ZHX2: variants seen among roughly 807,000 people sequenced by gnomAD.
The protein encoded by ZHX2 is zinc fingers and homeoboxes 2.
Under a neutral mutation model 21.9 loss-of-function variants are expected in ZHX2, and 6 were observed. That is an observed-to-expected ratio of 0.27 (90% CI 0.15 to 0.54). The LOEUF is 0.54. Ranked by LOEUF, ZHX2 falls within the 20% of genes least tolerant of loss-of-function variation. The pLI is 0.95. For synonymous variants in ZHX2, 434 were observed against 437.1 expected, an observed-to-expected ratio of 0.99 and a Z score of 0.09; for missense variants, 908 against 1,090.7, an observed-to-expected ratio of 0.83 and a Z score of 2.36.
chr8:122,873,802 T>G (rs960306370), intron 2 of ZHX2, among the ~76,000 whole-genome samples: 1 of 152,188 alleles, frequency 6.6e-6, no homozygotes, highest in Admixed American at 6.5e-5. Flanking sequence ...AGAATCCATC[T>G]TCTTGCTTCC....
At chr8:122,802,640 G>A (rs1319177621) in intron 1 of ZHX2, among the ~76,000 whole-genome samples, 1 of 152,184 alleles carries the variant, frequency 6.6e-6, no homozygotes, top group East Asian at 1.9e-4. Context: ...TCCAAGCTAG[G>A]GGATACCAAG....
At chr8:122,833,718 CG>C (rs1429188627) in intron 1 of ZHX2, among the ~76,000 whole-genome samples, 1 of 152,062 alleles carries the variant, frequency 6.6e-6, no homozygotes, top group Non-Finnish European at 1.5e-5. Context: ...GTGAGCGGGC[CG>C]GGCGCGGTGG....
intron 2 of ZHX2, among the ~76,000 whole-genome samples, chr8:122,911,332 G>A (rs900034300): frequency 1.3e-5 from 2 of 152,114 alleles, no homozygotes; most frequent in Admixed American, 1.3e-4. Flanking sequence ...GGGGCCAGCA[G>A]GCAGCCTCCT....
At chr8:122,906,084 T>C (rs899474774) in intron 2 of ZHX2, among the ~76,000 whole-genome samples, 7 of 152,316 alleles carry the variant, frequency 4.6e-5, no homozygotes, top group Middle Eastern at 3.4e-3. Context: ...CTAAACCCAA[T>C]TTCAATATTG....
intron 1 of ZHX2, among the ~76,000 whole-genome samples, chr8:122,799,523 T>A (rs1244761126): frequency 6.6e-6 from 1 of 152,246 alleles, no homozygotes; most frequent in Non-Finnish European, 1.5e-5. Flanking sequence ...CTATTAAATA[T>A]CTTTTTGGTG....
intron 2 of ZHX2, among the ~76,000 whole-genome samples, chr8:122,894,083 G>GT (rs1481174176): frequency 6.6e-6 from 1 of 152,236 alleles, no homozygotes; most frequent in African/African-American, 2.4e-5. Flanking sequence ...TGTAATCAGT[G>GT]TAAGAAGTGC....
At chr8:122,883,028 G>A (rs17289436) in intron 2 of ZHX2, among the ~76,000 whole-genome samples, 80,158 of 151,832 alleles carry the variant, frequency 0.53, 21,470 homozygotes, top group Middle Eastern at 0.68. Flanking sequence ...CCCAGAGATT[G>A]TAACCACCTG....
chr8:122,835,249 G>T (rs957533147), intron 1 of ZHX2, among the ~76,000 whole-genome samples: 2 of 152,236 alleles, frequency 1.3e-5, no homozygotes, highest in African/African-American at 4.8e-5. Context: ...CTTTCTGAAG[G>T]GGGTATTCTA....
intron 2 of ZHX2, among the ~76,000 whole-genome samples, chr8:122,915,720 G>A (rs1163810868): frequency 1.3e-5 from 2 of 152,166 alleles, no homozygotes; most frequent in African/African-American, 2.4e-5. Flanking sequence ...TCCATGTTGC[G>A]TGTCTCATTT....
At chr8:122,859,875 A>G (rs1055259566) in intron 1 of ZHX2, among the ~76,000 whole-genome samples, 6 of 152,212 alleles carry the variant, frequency 3.9e-5, no homozygotes, top group Non-Finnish European at 8.8e-5. Context: ...GTACCCAATG[A>G]ATTATTGTTA....
chr8:122,878,673 G>A (rs1819625669), intron 2 of ZHX2, among the ~76,000 whole-genome samples: 1 of 152,158 alleles, frequency 6.6e-6, no homozygotes. Context: ...TGTAGGAGGT[G>A]CAGGGAGTGT....
intron 2 of ZHX2, among the ~76,000 whole-genome samples, chr8:122,901,460 T>G (rs1820228221): frequency 6.6e-6 from 1 of 152,220 alleles, no homozygotes; most frequent in Admixed American, 6.5e-5. Context: ...TTCTAAGACC[T>G]TACTTCTCAA....
Position 122,952,076 on chromosome 8 carries a change from C to G in ZHX2, c.566C>G (p.Pro189Arg). 1 of 1,613,678 alleles carries G rather than the reference C, an allele frequency of 6.2e-7. No homozygotes were observed. The highest frequency in any genetic ancestry group is 8.5e-7 in the Non-Finnish European group (1 of 1,179,976). The stretch of plus-strand genomic sequence containing the variant: ...GTGAGTAAAACCCCCATCATGAAGC[C>G]TGGAAAACCAAAAGCGGATGCCAAG... Reference protein sequence around the residue: ...ISVSKTPIMKPGKPKADAKKV... With the variant: ...ISVSKTPIMKRGKPKADAKKV... Residue 189 changes from proline (P) to arginine (R), a missense_variant, in exon 3 of 4, where the codon CCT (proline) becomes CGT (arginine). This residue lies in a region of ZHX2 where 220 missense variants were observed against 251.4 expected (regional missense o/e 0.88). Transcript: ENST00000314393. This position sits in a 1 kb window ranked among gnomAD's most constrained non-coding sequence, Gnocchi z 6.9.
chr8:122,860,137 A>G (rs771519692), intron 1 of ZHX2, among the ~76,000 whole-genome samples: 2 of 152,230 alleles, frequency 1.3e-5, no homozygotes, highest in African/African-American at 4.8e-5. Flanking sequence ...ACAAGGCAGC[A>G]GGAAGGAGAC....
chr8:122,783,511 ACTCT>A (rs1817334175), intron 1 of ZHX2, among the ~76,000 whole-genome samples: 4 of 151,188 alleles, frequency 2.6e-5, no homozygotes, highest in African/African-American at 9.7e-5. Context: ...ACACTTACTC[ACTCT>A]CTCCTTTATA....
chr8:122,826,930 AGAG>A (rs1818276409), intron 1 of ZHX2, among the ~76,000 whole-genome samples: 1 of 152,198 alleles, frequency 6.6e-6, no homozygotes. Flanking sequence ...CCAAGAGTTA[AGAG>A]TTTTAGGTTG....
intron 2 of ZHX2, among the ~76,000 whole-genome samples, chr8:122,911,685 A>C (rs1409132786): frequency 6.6e-6 from 1 of 152,228 alleles, no homozygotes; most frequent in Non-Finnish European, 1.5e-5. Flanking sequence ...TTTCATCCTC[A>C]TAGCACTCAC....
intron 2 of ZHX2, among the ~76,000 whole-genome samples, chr8:122,873,102 G>C (rs1009290344): frequency 1.3e-5 from 2 of 152,206 alleles, no homozygotes; most frequent in African/African-American, 4.8e-5. Context: ...GACCAAGAAT[G>C]GGTGGTGAGG....
At chr8:122,843,787 C>G (rs141061607) in intron 1 of ZHX2, among the ~76,000 whole-genome samples, 2 of 152,296 alleles carry the variant, frequency 1.3e-5, no homozygotes, top group African/African-American at 4.8e-5. Context: ...TGAAACACTT[C>G]CAGCTGGTGG....
Sources: allele counts gnomAD v4.1 joint callset (sites outside exome capture counted in the v4.1 genomes callset), GRCh38; gene constraint gnomAD v4.1.1; regional missense constraint gnomAD v4.1.1; non-coding constraint Gnocchi (gnomAD v3.1); transcripts MANE v1.5; gene names NCBI Gene and HGNC (gene_info 2026-07-23, HGNC 2026-07-21).